The following KLHL24 variants were observed in gnomAD, a reference collection of about 807,000 sequenced individuals.
KLHL24 encodes kelch-like protein 24.
In KLHL24, 29 loss-of-function variants were observed where a neutral mutation model predicts 53.4. That is an observed-to-expected ratio of 0.54 (90% CI 0.40 to 0.74). The LOEUF is 0.74. KLHL24 is among the 30% of genes least tolerant of loss of function. The pLI, the probability that KLHL24 is intolerant of heterozygous loss-of-function variation, is 0.00. For missense variants in KLHL24, 504 were observed against 744.0 expected, an observed-to-expected ratio of 0.68 and a Z score of 3.75; for synonymous variants, 222 against 253.7, an observed-to-expected ratio of 0.88 and a Z score of 1.19.
chr3:183,665,067 T>C lies in KLHL24; in HGVS notation c.1224+28T>C, dbSNP rs141508466. 3,048 of 1,140,398 alleles carry C rather than the reference T, an allele frequency of 2.7e-3. 20 individuals carry two copies. Among genetic ancestry groups the C allele is most frequent in the Non-Finnish European group, 2.5e-3 (1,895 of 752,720 alleles). The allele number at this position is 1,140,398 out of a possible 1,614,324, so 70.6% of individuals were successfully genotyped here. On this transcript the variant is annotated intron_variant, in intron 5 of 7. Transcript: ENST00000242810. The stretch of plus-strand genomic sequence containing the variant: ...AAGAGAAACCACTTTTTATTACTAT[T>C]GCTGGTACCTTTCCAAAGTAAATAC...
Position 183,665,004 on chromosome 3 carries a change from A to G in KLHL24, c.1189A>G (p.Arg397Gly). 6.2e-7 allele frequency: 1 copy of G among 1,610,740 alleles called. No homozygotes were observed. Among genetic ancestry groups the G allele is most frequent in the Non-Finnish European group, 8.5e-7 (1 of 1,177,354 alleles). ...WIRVASLNKG[R>G]WRHKMAVLLG... ...CAGAGTTGCCTCTCTCAATAAAGGC[A>G]GATGGCGTCACAAAATGGCTGTCCT... The change falls in exon 5 of 8, where the codon AGA (arginine) becomes GGA (glycine). Residue 397 changes from arginine to glycine, a missense_variant. Physicochemically the swap from Arg to Gly is moderately radical, Grantham distance 125 (BLOSUM62 -2). Transcript: ENST00000242810.
intron 5 of KLHL24, among the ~76,000 whole-genome samples, chr3:183,668,001 C>T (rs1720815020): frequency 6.6e-6 from 1 of 150,716 alleles, no homozygotes; most frequent in Non-Finnish European, 1.5e-5. Flanking sequence ...GCATGAGCCA[C>T]CATGCCCAGC....
In KLHL24 at chr3:183,671,230, A is replaced by G. The variant is rs374390968; in HGVS notation, c.1413+8A>G. ...AATACTTGTTCTGATAAGGTAAGCCATGCACTTTTAAAGAAATTACCAATA... is the reference window on the plus strand; with the variant it reads ...AATACTTGTTCTGATAAGGTAAGCCGTGCACTTTTAAAGAAATTACCAATA... On this transcript the variant is annotated splice_region_variant and intron_variant, in intron 6 of 7. Transcript: ENST00000242810. The G allele has an allele frequency of 1.9e-6, 3 of 1,603,130 alleles. No individual in the cohort carries two copies. Among genetic ancestry groups the G allele is most frequent in the Admixed American group, 1.7e-5 (1 of 58,760 alleles).
At position 183,648,033 on chromosome 3, in the gene KLHL24, A is replaced by C. The variant is rs772132552; in HGVS notation, c.-61-2263A>C. Among the ~76,000 whole-genome samples, 12 of 151,898 alleles carry C rather than the reference A, an allele frequency of 7.9e-5. 1 individual carries two copies. The highest frequency in any genetic ancestry group is 1.0e-4 in the Non-Finnish European group (7 of 67,972). On this transcript the variant is annotated intron_variant, in intron 2 of 7. Coordinates refer to ENST00000242810, the MANE Select transcript of KLHL24 (RefSeq NM_017644.3). ...AAAAAAGCAAAAACAAAAACAAAAAACTCCAATAGCAATATCTTACATCTC... is the reference window on the plus strand; with the variant it reads ...AAAAAAGCAAAAACAAAAACAAAAACCTCCAATAGCAATATCTTACATCTC...
intron 1 of KLHL24, among the ~76,000 whole-genome samples, chr3:183,637,710 C>T (rs1426264637): frequency 1.3e-5 from 2 of 152,106 alleles, no homozygotes; most frequent in Non-Finnish European, 2.9e-5. Flanking sequence ...GGTCTCACTC[C>T]GTCACCCAGG....
At chr3:183,647,177 T>C (rs1717401341) in intron 2 of KLHL24, among the ~76,000 whole-genome samples, 1 of 151,638 alleles carries the variant, frequency 6.6e-6, no homozygotes, top group African/African-American at 2.4e-5. Flanking sequence ...TCCTAGCACT[T>C]TGGGAGGACA....
chr3:183,646,994 T>A (rs1717357419), intron 2 of KLHL24, among the ~76,000 whole-genome samples: 1 of 150,156 alleles, frequency 6.7e-6, no homozygotes, highest in Non-Finnish European at 1.5e-5. Flanking sequence ...TTTTTTTTTT[T>A]AGTAGAGACG....
chr3:183,667,972 C>T (rs531727880), intron 5 of KLHL24, among the ~76,000 whole-genome samples: 3 of 151,068 alleles, frequency 2.0e-5, no homozygotes, highest in South Asian at 2.1e-4. Context: ...TTCAGCCTCC[C>T]GAAGTGCTGA....
At chr3:183,638,392 A>C (rs1301552982) in intron 1 of KLHL24, among the ~76,000 whole-genome samples, 1 of 152,190 alleles carries the variant, frequency 6.6e-6, no homozygotes, top group African/African-American at 2.4e-5. Context: ...CCCAAAGGTC[A>C]AGCCTGTGAA....
At chr3:183,677,104 C>T (rs746874022) in intron 7 of KLHL24, among the ~76,000 whole-genome samples, 4 of 151,772 alleles carry the variant, frequency 2.6e-5, no homozygotes, top group Non-Finnish European at 4.4e-5. Flanking sequence ...GCTATTATAT[C>T]GGATAGAGGT....
At chr3:183,662,091 C>T (rs570403771) in intron 3 of KLHL24, among the ~76,000 whole-genome samples, 1 of 151,864 alleles carries the variant, frequency 6.6e-6, no homozygotes, top group Admixed American at 6.6e-5. Context: ...ATATTTAGGT[C>T]CTTCTGTTAA....
At chr3:183,675,134 C>A (rs1229411678) in intron 7 of KLHL24, among the ~76,000 whole-genome samples, 3 of 151,972 alleles carry the variant, frequency 2.0e-5, no homozygotes, top group African/African-American at 7.3e-5. Context: ...GCATTTATTT[C>A]TGCATAGTAA....
In KLHL24 at chr3:183,682,744, C is replaced by T. The variant is rs1712801635; in HGVS notation, c.*3458C>T. The T allele has an allele frequency of 6.6e-6, 1 of 152,346 alleles. No homozygotes were observed. Among genetic ancestry groups the T allele is most frequent in the Admixed American group, 6.6e-5 (1 of 15,260 alleles). The allele number at this position is 152,346 out of a possible 1,614,324, so 9.4% of individuals were successfully genotyped here. On this transcript the variant is annotated 3_prime_UTR_variant, in exon 8 of 8. Coordinates refer to ENST00000242810, the MANE Select transcript of KLHL24 (RefSeq NM_017644.3). The stretch of plus-strand genomic sequence containing the variant: ...TTGAAACTCAGGAAAGACAAAGGTT[C>T]AATTACACCACTTTTGTCAATAAGC...
chr3:183,645,857 T>G (rs936144110), intron 2 of KLHL24, among the ~76,000 whole-genome samples: 3 of 152,172 alleles, frequency 2.0e-5, no homozygotes, highest in African/African-American at 7.2e-5. Flanking sequence ...GGAGTTACTT[T>G]GTTGACATTT....
In KLHL24 at chr3:183,650,554, A is replaced by T. The variant is rs1192984235; in HGVS notation, c.198A>T (p.Thr66=). The T allele has an allele frequency of 6.2e-7, 1 of 1,614,016 alleles. No homozygotes were observed. The highest frequency in any genetic ancestry group is 1.1e-5 in the South Asian group (1 of 91,088). ...FNEFRDSRLF[T]DVIICVEGKE... is the part of the protein sequence containing the mutation. ...AATTTCGTGATAGCCGCTTATTCAC[A>T]GATGTTATCATTTGTGTGGAAGGAA... The change falls in exon 3 of 8, where the codon ACA becomes ACT. Residue 66 remains threonine (T), a synonymous_variant. Transcript: ENST00000242810. This position sits in a 1 kb window ranked among gnomAD's most constrained non-coding sequence, Gnocchi z 4.5.
chr3:183,648,532 C>G (rs1717659146), intron 2 of KLHL24, among the ~76,000 whole-genome samples: 1 of 152,008 alleles, frequency 6.6e-6, no homozygotes, highest in African/African-American at 2.4e-5. Context: ...GAATGTCTGA[C>G]TTGAAATATT....
In KLHL24 at chr3:183,679,825, TG is replaced by T. The variant is rs1374782129; in HGVS notation, c.*540del. On this transcript the variant is annotated 3_prime_UTR_variant, in exon 8 of 8. Coordinates refer to ENST00000242810, the MANE Select transcript of KLHL24 (RefSeq NM_017644.3). Reference sequence around the variant, plus strand: ...GGTTTTTTTCTGTAATTGATAAAAATGTAATGACAACAATTCAGGCATCATA... The same window carrying T: ...GGTTTTTTTCTGTAATTGATAAAAATTAATGACAACAATTCAGGCATCATA... 2 of 152,798 alleles carry T rather than the reference TG, an allele frequency of 1.3e-5. No homozygotes were observed. Among genetic ancestry groups the T allele is most frequent in the Non-Finnish European group, 2.9e-5 (2 of 68,548 alleles). 9.5% of individuals were successfully genotyped at this position (152,798 alleles called of 1,614,324 possible).
In KLHL24 at chr3:183,679,193, TATC is replaced by T. The variant is rs1451052894; in HGVS notation, c.1715_1717del (p.Ile572del). ...TTCTCTGTTATGATCCTGCAACAAG[TATC>T]ATCACAGGGGTAGCTGCAATGCCCA... On this transcript the variant is annotated inframe_deletion, in exon 8 of 8. Coordinates refer to ENST00000242810, the MANE Select transcript of KLHL24 (RefSeq NM_017644.3). 1 of 1,612,966 alleles carries T rather than the reference TATC, an allele frequency of 6.2e-7. No individual in the cohort carries two copies. Among genetic ancestry groups the T allele is most frequent in the Non-Finnish European group, 8.5e-7 (1 of 1,178,976 alleles).
At position 183,679,349 on chromosome 3, in the gene KLHL24, A is replaced by G; in HGVS notation, c.*63A>G. On this transcript the variant is annotated 3_prime_UTR_variant, in exon 8 of 8. Coordinates refer to ENST00000242810, the MANE Select transcript of KLHL24 (RefSeq NM_017644.3). Reference sequence around the variant, plus strand: ...AGATGGGAGGTTTTAAAAACTCTACAGTGGGAACTTCACATATCTCCTTTG... The same window carrying G: ...AGATGGGAGGTTTTAAAAACTCTACGGTGGGAACTTCACATATCTCCTTTG... The G allele has an allele frequency of 3.2e-6, 4 of 1,231,524 alleles. No individual in the cohort carries two copies. In the Admixed American group the frequency reaches 5.6e-5, roughly 17 times the overall value. The allele number at this position is 1,231,524 out of a possible 1,614,324, so 76.3% of individuals were successfully genotyped here.
Sources: allele counts gnomAD v4.1 joint callset (sites outside exome capture counted in the v4.1 genomes callset), GRCh38; gene constraint gnomAD v4.1.1; non-coding constraint Gnocchi (gnomAD v3.1); transcripts MANE v1.5; gene names NCBI Gene and HGNC (gene_info 2026-07-23, HGNC 2026-07-21).